The following ACSM2B variants were observed in gnomAD, a reference collection of about 807,000 sequenced individuals.
The protein encoded by ACSM2B is acyl-coenzyme A synthetase ACSM2B, mitochondrial.
Under a neutral mutation model 78.6 loss-of-function variants are expected in ACSM2B, and 58 were observed. The observed-to-expected ratio is 0.74, with a 90% CI of 0.60 to 0.92. The LOEUF (loss-of-function observed/expected upper bound fraction) is 0.92. Among genes scored for constraint, ACSM2B ranks in the 40% least tolerant of loss-of-function variants. The pLI, the probability that ACSM2B is intolerant of heterozygous loss-of-function variation, is 0.00. For synonymous variants in ACSM2B, 257 were observed against 256.8 expected (o/e 1.00, Z -0.01); for missense variants, 688 against 711.2 (o/e 0.97, Z 0.37).
At chr16:20,560,773 A>T (rs1481770006) in intron 2 of ACSM2B, among the ~76,000 whole-genome samples, 1 of 152,124 alleles carries the variant, frequency 6.6e-6, no homozygotes, top group Non-Finnish European at 1.5e-5. Context: ...GATGAGGAAA[A>T]GTTTGGAACG....
At chr16:20,556,354 C>A (rs896141581) in intron 3 of ACSM2B, among the ~76,000 whole-genome samples, 4 of 152,194 alleles carry the variant, frequency 2.6e-5, no homozygotes, top group Admixed American at 2.0e-4. Flanking sequence ...GTAATCCTGG[C>A]ACTTTTGGAG....
At chr16:20,556,780 A>G (rs36042811) in intron 3 of ACSM2B, among the ~76,000 whole-genome samples, 27,777 of 151,946 alleles carry the variant, frequency 0.18, 3,581 homozygotes, top group East Asian at 0.69. Flanking sequence ...TTTCTCTACC[A>G]TGGTGGTCAA....
chr16:20,542,772 C>T (rs777808174), intron 12 of ACSM2B, 142 bp downstream of exon 12: 11 of 1,147,352 alleles, frequency 9.6e-6, no homozygotes, highest in African/African-American at 3.2e-5. Flanking sequence ...AGTAGCTTAC[C>T]CAAGGTCACA....
In ACSM2B at chr16:20,553,007, A is replaced by G. The variant is rs944266585; in HGVS notation, c.741-710T>C. ...TACCAAATTTTTTGGGGGAAGGGGA[A>G]TTTAATATCTTAGTTATATTTAAGT... On this transcript the variant is annotated intron_variant, in intron 5 of 13. Coordinates refer to ENST00000329697, the MANE Select transcript of ACSM2B (RefSeq NM_001105069.2). 1.3e-4 allele frequency among the ~76,000 whole-genome samples: 20 copies of G among 152,306 alleles called. No individual in the cohort carries two copies. In the East Asian group the frequency reaches 2.9e-3, roughly 22 times the overall value.
rs1207401644 is a variant in ACSM2B, at chr16:20,540,911, A to C, written c.1510-138T>G. 71 of 1,324,574 alleles carry C rather than the reference A, an allele frequency of 5.4e-5. 1 individual carries two copies. Among genetic ancestry groups the C allele is most frequent in the Non-Finnish European group, 7.1e-5 (70 of 985,366 alleles). The allele number at this position is 1,324,574 out of a possible 1,614,324, so 82.1% of individuals were successfully genotyped here. A position where few individuals can be genotyped will look rare whatever the true frequency, so the allele number is the denominator to read the frequency against. On this transcript the variant is annotated intron_variant, in intron 12 of 13. Transcript: ENST00000329697. ...CCCCCGGTGATCCAGGTCAAGGGAA[A>C]GGGAGAAACTGGGGACAAGAATGAG...
At chr16:20,561,081 C>T (rs1045216479) in intron 2 of ACSM2B, among the ~76,000 whole-genome samples, 17 of 152,144 alleles carry the variant, frequency 1.1e-4, no homozygotes, top group African/African-American at 3.9e-4. Context: ...ATATACATAA[C>T]AATGGAATAT....
intron 6 of ACSM2B, chr16:20,549,692 T>C (rs1230373695): frequency 1.7e-5 from 7 of 420,958 alleles, no homozygotes; most frequent in African/African-American, 1.0e-4. Context: ...TGAGAACACG[T>C]GCCCAAGGTG....
intron 1 of ACSM2B, 108 bp downstream of exon 1, chr16:20,576,098 TG>T (rs2016242640): frequency 6.7e-6 from 1 of 149,736 alleles, no homozygotes; most frequent in African/African-American, 2.5e-5. Context: ...TAGGAATTTC[TG>T]CTTTTCTGTG....
chr16:20,552,127 A>G lies in ACSM2B; in HGVS notation c.894+17T>C. On this transcript the variant is annotated intron_variant, in intron 6 of 13. Coordinates refer to ENST00000329697, the MANE Select transcript of ACSM2B (RefSeq NM_001105069.2). ...GGCTCACTCTGAATAACTGCTGCAA[A>G]CTGGATCCTCTCTTACCTTTAGAAT... The G allele has an allele frequency of 6.3e-7, 1 of 1,582,872 alleles. No individual in the cohort carries two copies. Among genetic ancestry groups the G allele is most frequent in the Non-Finnish European group, 8.6e-7 (1 of 1,167,712 alleles).
At chr16:20,561,527 C>T (rs567256052) in intron 2 of ACSM2B, among the ~76,000 whole-genome samples, 1 of 151,810 alleles carries the variant, frequency 6.6e-6, no homozygotes, top group South Asian at 2.1e-4. Context: ...GTGGGACCTG[C>T]CCGTATGATC....
At chr16:20,556,936 T>C (rs754162472) in intron 3 of ACSM2B, among the ~76,000 whole-genome samples, 1 of 152,138 alleles carries the variant, frequency 6.6e-6, no homozygotes, top group Non-Finnish European at 1.5e-5. Context: ...TGGTTGCCTC[T>C]GATAGTTTCT....
rs2015098167 is a variant in ACSM2B at position 20,545,163 on chromosome 16, G to A, written c.1275C>T (p.Gly425=). 1.9e-6 allele frequency: 3 copies of A among 1,612,578 alleles called. No homozygotes were observed. The highest frequency in any genetic ancestry group is 2.5e-6 in the Non-Finnish European group (3 of 1,178,902). Residue 425 remains glycine (G), a synonymous_variant, in exon 10 of 14, where the codon GGC becomes GGT. Transcript: ENST00000329697. The part of the protein sequence containing the change: ...KPIRPIGIFS[G]YVENPDKTAA... Reference sequence around the variant, plus strand: ...GAGAAGCACAGTTTCTCACCACATAGCCAGAGAAGATGCCTATAGGCCTGA... The same window carrying A: ...GAGAAGCACAGTTTCTCACCACATAACCAGAGAAGATGCCTATAGGCCTGA...
chr16:20,574,985 G>T (rs1314868363), intron 1 of ACSM2B, among the ~76,000 whole-genome samples: 20 of 147,948 alleles, frequency 1.4e-4, no homozygotes, highest in African/African-American at 5.2e-4. Context: ...GATGTATAGG[G>T]TCACTAAACT....
In ACSM2B at chr16:20,557,702, C is replaced by A. The variant is rs1596723046; in HGVS notation, c.388+1535G>T. Among the ~76,000 whole-genome samples, 3 of 152,326 alleles carry A rather than the reference C, an allele frequency of 2.0e-5. No homozygotes were observed. The South Asian group carries it at 6.2e-4, about 32-fold the overall frequency. ...CACTGCCAATATAGCACCTGGCCAC[C>A]TCTACATGTTCATTCTATTGCCACT... is the stretch of plus-strand genomic sequence containing the variant. On this transcript the variant is annotated intron_variant, in intron 3 of 13. Transcript: ENST00000329697.
intron 3 of ACSM2B, among the ~76,000 whole-genome samples, chr16:20,558,670 CAA>C (rs766701462): frequency 2.0e-5 from 3 of 152,150 alleles, no homozygotes; most frequent in Non-Finnish European, 2.9e-5. Flanking sequence ...TTGGTTAATT[CAA>C]GTCTCTTTTT....
At chr16:20,548,517 T>C in intron 6 of ACSM2B, 44 bp from the exon 7 acceptor site, 2 of 1,613,116 alleles carry the variant, frequency 1.2e-6, no homozygotes, top group South Asian at 1.1e-5. Flanking sequence ...CCAGGTCAAA[T>C]GCCAACTTAT....
intron 13 of ACSM2B, 110 bp from the exon 14 acceptor site, chr16:20,537,472 G>C: frequency 2.4e-6 from 3 of 1,233,172 alleles, no homozygotes; most frequent in South Asian, 1.3e-5. Flanking sequence ...AGCCACTTCA[G>C]GGTAGCCGCC....
intron 1 of ACSM2B, among the ~76,000 whole-genome samples, chr16:20,567,744 T>C (rs1256355720): frequency 7.1e-6 from 1 of 139,936 alleles, no homozygotes; most frequent in Non-Finnish European, 1.5e-5. Flanking sequence ...TGAATTTATA[T>C]ATATAATAGT....
At chr16:20,541,323 T>G (rs1397494722) in intron 12 of ACSM2B, 3 of 152,964 alleles carry the variant, frequency 2.0e-5, no homozygotes, top group Admixed American at 1.9e-4. Context: ...AGTGCCAGGC[T>G]TACACCCTGC....
Sources: gnomAD v4.1 joint callset for allele counts (sites outside exome capture counted in the v4.1 genomes callset) on GRCh38, gnomAD v4.1.1 for gene constraint, MANE v1.5 for transcripts, NCBI Gene and HGNC (gene_info 2026-07-23, HGNC 2026-07-21) for gene names.